The following NRG3 variants were observed in gnomAD, a reference collection of about 807,000 sequenced individuals.
NRG3 encodes pro-neuregulin-3, membrane-bound isoform.
A neutral mutation model predicts 66.9 loss-of-function variants in NRG3; 31 were observed. That is an observed-to-expected ratio of 0.46 (90% CI 0.35 to 0.63). The LOEUF (loss-of-function observed/expected upper bound fraction) is 0.63. Among genes scored for constraint, NRG3 ranks in the 20% least tolerant of loss-of-function variants. The probability of loss-of-function intolerance (pLI) is 0.00; values close to 1 mark genes in which losing one functional copy is unlikely to be tolerated. For missense variants in NRG3, 910 were observed against 878.9 expected (o/e 1.04, Z -0.45); for synonymous variants, 393 against 359.4 (o/e 1.09, Z -1.06).
chr10:82,790,947 T>G (rs1319544292), intron 3 of NRG3, among the ~76,000 whole-genome samples: 2 of 151,642 alleles, frequency 1.3e-5, no homozygotes, highest in African/African-American at 4.8e-5. Context: ...TCTATATAAT[T>G]ATTAATATTC....
At chr10:82,242,927 C>A (rs1481408992) in intron 1 of NRG3, among the ~76,000 whole-genome samples, 1 of 152,168 alleles carries the variant, frequency 6.6e-6, no homozygotes, top group Non-Finnish European at 1.5e-5. Context: ...ACAGTCTGAC[C>A]CTTTTGAACA....
intron 1 of NRG3, among the ~76,000 whole-genome samples, chr10:82,174,064 C>T (rs1271524992): frequency 6.6e-6 from 1 of 152,042 alleles, no homozygotes; most frequent in Non-Finnish European, 1.5e-5. Context: ...ACCTGGAGTC[C>T]GTCTAGCCCT....
intron 1 of NRG3, among the ~76,000 whole-genome samples, chr10:82,195,980 A>G (rs2074426507): frequency 6.6e-6 from 1 of 152,062 alleles, no homozygotes; most frequent in African/African-American, 2.4e-5. Flanking sequence ...GTCCAATGAG[A>G]CTAGTTTCAG....
rs1461594837 is a variant in NRG3, at chr10:82,645,764, A to G, written c.954-92813A>G. On this transcript the variant is annotated intron_variant, in intron 2 of 8. Coordinates refer to ENST00000372141, the MANE Select transcript of NRG3 (RefSeq NM_001010848.4). ...CCCCTATGGTTATAGGTGGGGAAAA[A>G]ACAAGAGTGTTGTATTGAGACCTGC... Among the ~76,000 whole-genome samples, 4 of 152,106 alleles carry G rather than the reference A, an allele frequency of 2.6e-5. No individual in the cohort carries two copies. In the East Asian group the frequency reaches 5.8e-4, roughly 22 times the overall value.
At chr10:82,433,467 A>G (rs2089950099) in intron 2 of NRG3, among the ~76,000 whole-genome samples, 1 of 152,030 alleles carries the variant, frequency 6.6e-6, no homozygotes, top group South Asian at 2.1e-4. Context: ...CTTTTTAGTT[A>G]ATTAGATCCC....
chr10:82,120,996 G>A (rs1232099533), intron 1 of NRG3, among the ~76,000 whole-genome samples: 1 of 151,930 alleles, frequency 6.6e-6, no homozygotes, highest in Non-Finnish European at 1.5e-5. Context: ...GAAGCAGTAC[G>A]ATCAAAATCT....
At chr10:82,270,865 C>T (rs1327524298) in intron 1 of NRG3, among the ~76,000 whole-genome samples, 1 of 152,000 alleles carries the variant, frequency 6.6e-6, no homozygotes, top group Non-Finnish European at 1.5e-5. Flanking sequence ...ACTGTGGATG[C>T]CCAATGCATT....
intron 6 of NRG3, among the ~76,000 whole-genome samples, chr10:82,968,766 G>A (rs911677332): frequency 2.6e-5 from 4 of 152,242 alleles, no homozygotes; most frequent in East Asian, 1.9e-4. Context: ...GGCTGATATT[G>A]TCCCCTGGCA....
At chr10:82,280,858 C>T (rs1564743989) in intron 1 of NRG3, among the ~76,000 whole-genome samples, 1 of 152,210 alleles carries the variant, frequency 6.6e-6, no homozygotes, top group Non-Finnish European at 1.5e-5. Flanking sequence ...TAGTAACTCT[C>T]CAATGGCAAT....
At position 82,661,810 on chromosome 10, in the gene NRG3, A is replaced by G. The variant is rs546104234; in HGVS notation, c.954-76767A>G. 3.3e-5 allele frequency among the ~76,000 whole-genome samples: 5 copies of G among 152,368 alleles called. No individual in the cohort carries two copies. In the South Asian group the frequency reaches 1.0e-3, roughly 32 times the overall value. On this transcript the variant is annotated intron_variant, in intron 2 of 8. Coordinates refer to ENST00000372141, the MANE Select transcript of NRG3 (RefSeq NM_001010848.4). ...TATCCAACACAAAACGCAAGCACTAATCAAATGTTTGTTTGGATAAAGAGC... is the reference window on the plus strand; with the variant it reads ...TATCCAACACAAAACGCAAGCACTAGTCAAATGTTTGTTTGGATAAAGAGC...
intron 5 of NRG3, among the ~76,000 whole-genome samples, chr10:82,954,258 G>A (rs1849816670): frequency 6.6e-6 from 1 of 151,936 alleles, no homozygotes; most frequent in African/African-American, 2.4e-5. Flanking sequence ...AGTATAATGT[G>A]TAGTTGTACC....
intron 1 of NRG3, among the ~76,000 whole-genome samples, chr10:82,062,936 G>A (rs1320725853): frequency 1.3e-5 from 2 of 152,110 alleles, no homozygotes; most frequent in Non-Finnish European, 2.9e-5. Context: ...CCTCATTTGA[G>A]GACTAATATT....
intron 3 of NRG3, among the ~76,000 whole-genome samples, chr10:82,760,594 A>G (rs947495394): frequency 2.0e-5 from 3 of 152,140 alleles, no homozygotes; most frequent in Admixed American, 6.6e-5. Context: ...TAACAGAATA[A>G]GAAAAAAGAG....
At chr10:82,221,371 A>G (rs1387599563) in intron 1 of NRG3, among the ~76,000 whole-genome samples, 1 of 152,150 alleles carries the variant, frequency 6.6e-6, no homozygotes, top group Admixed American at 6.5e-5. Context: ...TTATGTTTCA[A>G]CATTTTTCAG....
chr10:82,960,011 A>G (rs537632957), intron 6 of NRG3, among the ~76,000 whole-genome samples: 2 of 152,356 alleles, frequency 1.3e-5, no homozygotes, highest in Non-Finnish European at 2.9e-5. Flanking sequence ...TAAACCTAGC[A>G]TTTGAGTATA....
At chr10:82,891,742 C>T (rs1249670134) in intron 4 of NRG3, among the ~76,000 whole-genome samples, 1 of 151,904 alleles carries the variant, frequency 6.6e-6, no homozygotes, top group East Asian at 1.9e-4. Context: ...TTTGTTCTCT[C>T]TTAAATTTAA....
At chr10:82,442,265 C>T (rs2090469915) in intron 2 of NRG3, among the ~76,000 whole-genome samples, 1 of 152,116 alleles carries the variant, frequency 6.6e-6, no homozygotes, top group South Asian at 2.1e-4. Context: ...AACAAGATTC[C>T]TAGTCCCAGC....
At chr10:82,066,267 A>G (rs1391523113) in intron 1 of NRG3, among the ~76,000 whole-genome samples, 1 of 152,024 alleles carries the variant, frequency 6.6e-6, no homozygotes, top group African/African-American at 2.4e-5. Context: ...TTAATTGATG[A>G]AGAATGTAAA....
chr10:82,804,193 C>T (rs928368445), intron 3 of NRG3, among the ~76,000 whole-genome samples: 1 of 152,130 alleles, frequency 6.6e-6, no homozygotes, highest in Non-Finnish European at 1.5e-5. Flanking sequence ...CTGCAAAGTG[C>T]TTCCTTTAAG....
Sources: gnomAD v4.1 joint callset for allele counts (sites outside exome capture counted in the v4.1 genomes callset) on GRCh38, gnomAD v4.1.1 for gene constraint, MANE v1.5 for transcripts, NCBI Gene and HGNC (gene_info 2026-07-23, HGNC 2026-07-21) for gene names.